The following JAG1 variants were observed in gnomAD, a reference collection of about 807,000 sequenced individuals.
JAG1 encodes protein jagged-1.
A neutral mutation model predicts 148.7 loss-of-function variants in JAG1; 23 were observed. That is an observed-to-expected ratio of 0.15 (90% CI 0.11 to 0.22). The LOEUF (loss-of-function observed/expected upper bound fraction) is 0.22, where lower values mean the gene tolerates loss of function less well. Among genes scored for constraint, JAG1 ranks in the 10% least tolerant of loss-of-function variants. The pLI, the probability that JAG1 is intolerant of heterozygous loss-of-function variation, is 1.00. For missense variants in JAG1, 1,054 were observed against 1,611.2 expected (o/e 0.65, Z 5.92); for synonymous variants, 572 against 598.3 (o/e 0.96, Z 0.64).
chr20:10,649,385 C>G, intron 10 of JAG1, 137 bp downstream of exon 10: 1 of 711,242 alleles, frequency 1.4e-6, no homozygotes, highest in Non-Finnish European at 2.6e-6. Flanking sequence ...CTGCCCTGAC[C>G]ACTCCCTCTC....
At chr20:10,652,741 G>C in intron 5 of JAG1, 143 bp from the exon 6 acceptor site, 1 of 776,006 alleles carries the variant, frequency 1.3e-6, no homozygotes, top group Non-Finnish European at 2.1e-6. Context: ...CTCATCAGGG[G>C]CTCCGTATAA....
Position 10,640,901 on chromosome 20 carries a change from C to A in JAG1, c.3081G>T (p.Pro1027=), listed in dbSNP as rs766664730. 44 of 1,614,104 alleles carry A rather than the reference C, an allele frequency of 2.7e-5. No homozygotes were observed. The highest frequency in any genetic ancestry group is 3.7e-5 in the Non-Finnish European group (44 of 1,179,990). The part of the protein sequence containing the change: ...SAEDIRDDGN[P]IKEITDKIID... Reference sequence around the variant, plus strand: ...TTATTTTGTCAGTGATTTCCTTGATCGGGTTCCCATCATCCCGTATATCTT... The same window carrying A: ...TTATTTTGTCAGTGATTTCCTTGATAGGGTTCCCATCATCCCGTATATCTT... Residue 1027 remains proline, a synonymous_variant, in exon 25 of 26, where the codon CCG becomes CCT. Coordinates refer to ENST00000254958, the MANE Select transcript of JAG1 (RefSeq NM_000214.3).
chr20:10,649,509 C>T lies in JAG1; in HGVS notation c.1348+13G>A, dbSNP rs2067331755. 3.9e-6 allele frequency: 6 copies of T among 1,534,642 alleles called. No homozygotes were observed. The highest frequency in any genetic ancestry group is 4.5e-6 in the Non-Finnish European group (5 of 1,107,556). The stretch of plus-strand genomic sequence containing the variant: ...AGTTTCATGAAAATCAAAATGGAAA[C>T]AAAGTCACTCACTTATGTCACAATT... On this transcript the variant is annotated intron_variant, in intron 10 of 25. Transcript: ENST00000254958.
At position 10,648,102 on chromosome 20, in the gene JAG1, G is replaced by A. The variant is rs1801139; in HGVS notation, c.1578C>T (p.Ile526=). 1.3e-3 allele frequency: 2,032 copies of A among 1,614,152 alleles called. 7 individuals carry two copies. The highest frequency in any genetic ancestry group is 3.2e-3 in the South Asian group (296 of 91,080). Residue 526 remains isoleucine, a synonymous_variant, in exon 13 of 26, where the codon ATC becomes ATT. Coordinates refer to ENST00000254958, the MANE Select transcript of JAG1 (RefSeq NM_000214.3). The part of the protein sequence containing the change: ...GFSGNLCQLD[I]DYCEPNPCQN... ...GGCAGGGATTAGGCTCACAATAATC[G>A]ATGTCCAGCTGCAAATATCAGGAAC...
chr20:10,654,646 TTC>T (rs1302037060), intron 5 of JAG1, among the ~76,000 whole-genome samples: 1 of 152,088 alleles, frequency 6.6e-6, no homozygotes, highest in Non-Finnish European at 1.5e-5. Flanking sequence ...AGCGTGAAGG[TTC>T]TGTTTTGACT....
At chr20:10,644,452 C>A (rs1286556931) in intron 18 of JAG1, 68 bp from the exon 19 acceptor site, 1 of 1,266,122 alleles carries the variant, frequency 7.9e-7, no homozygotes, top group African/African-American at 1.5e-5. Context: ...CTAAGTAAAA[C>A]CACCACTTAT....
intron 8 of JAG1, 51 bp from the exon 9 acceptor site, chr20:10,650,411 C>A: frequency 9.8e-7 from 1 of 1,024,106 alleles, no homozygotes; most frequent in Non-Finnish European, 1.5e-6. Flanking sequence ...ATCCATCTGA[C>A]AATTAGATCC....
In JAG1 at chr20:10,673,173, A is replaced by AG; in HGVS notation, c.82-168_82-167insC. ...CTCAACATGATTCCGGGGCAAAAAA[A>AG]AAAAAAAATGCACGAGTGCGGAAGA... On this transcript the variant is annotated intron_variant, in intron 1 of 25. Coordinates refer to ENST00000254958, the MANE Select transcript of JAG1 (RefSeq NM_000214.3). This position sits in a 1 kb window ranked among gnomAD's most constrained non-coding sequence, Gnocchi z 4.7. The AG allele has an allele frequency of 1.4e-6, 1 of 696,114 alleles. No homozygotes were observed. The highest frequency in any genetic ancestry group is 2.4e-6 in the Non-Finnish European group (1 of 410,170). The allele number at this position is 696,114 out of a possible 1,614,324, so 43.1% of individuals were successfully genotyped here.
At chr20:10,662,496 A>C (rs1403355450) in intron 3 of JAG1, 1 of 152,186 alleles carries the variant, frequency 6.6e-6, no homozygotes, top group Non-Finnish European at 1.5e-5. Context: ...TACCGGGTGG[A>C]TTGTTTCAAT....
chr20:10,657,357 A>G (rs1358809452), intron 4 of JAG1, among the ~76,000 whole-genome samples: 1 of 151,758 alleles, frequency 6.6e-6, no homozygotes, highest in Non-Finnish European at 1.5e-5. Flanking sequence ...TCTTAAAAAA[A>G]AAAAAAAACA....
chr20:10,666,926 G>A lies in JAG1; in HGVS notation c.388-2912C>T, dbSNP rs892535180. 6.6e-5 allele frequency among the ~76,000 whole-genome samples: 10 copies of A among 152,308 alleles called. No individual in the cohort carries two copies. The East Asian group carries it at 1.4e-3, about 21-fold the overall frequency. ...GGCTGGGGCCCCTGCACCTCCTCCCGCCCTCCACACTTAGGCTGCTGTGCC... is the reference window on the plus strand; with the variant it reads ...GGCTGGGGCCCCTGCACCTCCTCCCACCCTCCACACTTAGGCTGCTGTGCC... On this transcript the variant is annotated intron_variant, in intron 2 of 25. Coordinates refer to ENST00000254958, the MANE Select transcript of JAG1 (RefSeq NM_000214.3).
chr20:10,653,415 C>A (rs1310208044), intron 5 of JAG1, among the ~76,000 whole-genome samples: 1 of 150,478 alleles, frequency 6.6e-6, no homozygotes. Flanking sequence ...AAAACAAATA[C>A]AACAACTTTC....
intron 5 of JAG1, among the ~76,000 whole-genome samples, chr20:10,653,381 G>A (rs1208044917): frequency 6.7e-6 from 1 of 149,486 alleles, no homozygotes; most frequent in Non-Finnish European, 1.5e-5. Flanking sequence ...GCCAAATAGT[G>A]CCTCTGATCC....
intron 2 of JAG1, among the ~76,000 whole-genome samples, chr20:10,670,363 AGTTTT>A (rs2067487487): frequency 6.6e-6 from 1 of 152,160 alleles, no homozygotes; most frequent in Non-Finnish European, 1.5e-5. Context: ...GGTGGTTTGG[AGTTTT>A]GTTTTGTTTT....
Position 10,645,854 on chromosome 20 carries a change from TC to T in JAG1, c.1999+116del. 1 of 797,274 alleles carries T rather than the reference TC, an allele frequency of 1.3e-6. No homozygotes were observed. Among genetic ancestry groups the T allele is most frequent in the Non-Finnish European group, 2.3e-6 (1 of 443,142 alleles). 49.4% of individuals were successfully genotyped at this position (797,274 alleles called of 1,614,324 possible). On this transcript the variant is annotated intron_variant, in intron 15 of 25. Coordinates refer to ENST00000254958, the MANE Select transcript of JAG1 (RefSeq NM_000214.3). The surrounding 1 kb of genome is among the most constrained non-coding windows in gnomAD (Gnocchi z 6.1). Reference sequence around the variant, plus strand: ...AAGTGATACTGTCCCAGTGCAGAAATCACTGCGGTCTTGCTTCCAGAGATTT... The same window carrying T: ...AAGTGATACTGTCCCAGTGCAGAAATACTGCGGTCTTGCTTCCAGAGATTT...
At position 10,673,746 on chromosome 20, in the gene JAG1, T is replaced by C; in HGVS notation, c.-216A>G. The C allele has an allele frequency of 8.0e-6, 2 of 249,242 alleles. 1 individual carries two copies. Among genetic ancestry groups the C allele is most frequent in the Non-Finnish European group, 1.5e-5 (2 of 132,982 alleles). 15.4% of individuals were successfully genotyped at this position (249,242 alleles called of 1,614,324 possible). On this transcript the variant is annotated 5_prime_UTR_variant, in exon 1 of 26. Coordinates refer to ENST00000254958, the MANE Select transcript of JAG1 (RefSeq NM_000214.3). This position sits in a 1 kb window ranked among gnomAD's most constrained non-coding sequence, Gnocchi z 4.7. ...AGAAGGCAAAGAGCCCGGCCTCCTT[T>C]TATTATTCTGATCGCTTCTTTGAGA...
chr20:10,645,533 G>T lies in JAG1; in HGVS notation c.2000-64C>A. 7.6e-7 allele frequency: 1 copy of T among 1,312,732 alleles called. No individual in the cohort carries two copies. The highest frequency in any genetic ancestry group is 1.1e-6 in the Non-Finnish European group (1 of 910,420). 81.3% of individuals were successfully genotyped at this position (1,312,732 alleles called of 1,614,324 possible). A position where few individuals can be genotyped will look rare whatever the true frequency, so the allele number is the denominator to read the frequency against. The stretch of plus-strand genomic sequence containing the variant: ...CCAGGACCATTCACGACAGGCGAGA[G>T]CCAAGCCTTTCCTACTGCTTACATC... On this transcript the variant is annotated intron_variant, in intron 15 of 25. Coordinates refer to ENST00000254958, the MANE Select transcript of JAG1 (RefSeq NM_000214.3). This position sits in a 1 kb window ranked among gnomAD's most constrained non-coding sequence, Gnocchi z 6.1.
rs1431681586 is a variant in JAG1 at position 10,647,849 on chromosome 20, G to A, written c.1720+111C>T. On this transcript the variant is annotated intron_variant, in intron 13 of 25. Transcript: ENST00000254958. ...ACAGGCAGGATCATTTCACTATAGA[G>A]GTCCTCCTCACCAATACATTACTTC... The A allele has an allele frequency of 3.5e-6, 4 of 1,158,644 alleles. No homozygotes were observed. In the African/African-American group the frequency reaches 4.6e-5, roughly 13 times the overall value. The allele number at this position is 1,158,644 out of a possible 1,614,324, so 71.8% of individuals were successfully genotyped here. A position where few individuals can be genotyped will look rare whatever the true frequency, so the allele number is the denominator to read the frequency against.
intron 3 of JAG1, among the ~76,000 whole-genome samples, chr20:10,660,197 C>T (rs1014708796): frequency 2.0e-4 from 30 of 152,184 alleles, no homozygotes; most frequent in Non-Finnish European, 1.8e-4. Flanking sequence ...ATCCACACAC[C>T]GCTTCCAACA....
Sources: allele counts gnomAD v4.1 joint callset (sites outside exome capture counted in the v4.1 genomes callset), GRCh38; gene constraint gnomAD v4.1.1; non-coding constraint Gnocchi (gnomAD v3.1); transcripts MANE v1.5; gene names NCBI Gene and HGNC (gene_info 2026-07-23, HGNC 2026-07-21).